The following GOLGA8B variants were observed in gnomAD, a reference collection of about 807,000 sequenced individuals.
The protein encoded by GOLGA8B is golgin A8 family member B.
A neutral mutation model predicts 15.6 loss-of-function variants in GOLGA8B; 1 was observed. The observed-to-expected ratio is 0.06, with a 90% CI of 0.02 to 0.30. The LOEUF is 0.30. Ranked by LOEUF, GOLGA8B falls within the 10% of genes least tolerant of loss-of-function variation. GOLGA8B has a pLI of 1.00. For synonymous variants in GOLGA8B, 9 were observed against 80.3 expected, an observed-to-expected ratio of 0.11 and a Z score of 4.75; for missense variants, 17 against 201.3, an observed-to-expected ratio of 0.08 and a Z score of 5.54.
intron 4 of GOLGA8B, among the ~76,000 whole-genome samples, chr15:34,548,103 G>A (rs1341980453): frequency 6.6e-6 from 1 of 151,532 alleles, no homozygotes; most frequent in African/African-American, 2.4e-5. Context: ...CTGAACCATA[G>A]TGTATGAGTA....
At chr15:34,568,706 T>C in intron 1 of GOLGA8B, among the ~76,000 whole-genome samples, 1 of 53,902 alleles carries the variant, frequency 1.9e-5, no homozygotes, top group South Asian at 7.6e-4. Flanking sequence ...GTTGCCAGAT[T>C]AATCCAGTAC....
chr15:34,569,241 G>A (rs1343743979), intron 1 of GOLGA8B, among the ~76,000 whole-genome samples: 7 of 143,956 alleles, frequency 4.9e-5, no homozygotes, highest in Admixed American at 7.2e-5. Flanking sequence ...AATGAAGCCA[G>A]AAATGGGGCA....
At chr15:34,570,795 G>A (rs1888894621) in intron 1 of GOLGA8B, among the ~76,000 whole-genome samples, 1 of 105,854 alleles carries the variant, frequency 9.4e-6, no homozygotes, top group Non-Finnish European at 2.1e-5. Context: ...AAGGCAAGAG[G>A]AGGGGATGAT....
At chr15:34,569,611 G>C (rs1328444266) in intron 1 of GOLGA8B, among the ~76,000 whole-genome samples, 1 of 151,838 alleles carries the variant, frequency 6.6e-6, no homozygotes, top group Non-Finnish European at 1.5e-5. Context: ...CTCATAAGAT[G>C]AGAAAATGAT....
At chr15:34,543,368 G>C (rs1344880223) in intron 7 of GOLGA8B, among the ~76,000 whole-genome samples, 15 of 146,738 alleles carry the variant, frequency 1.0e-4, no homozygotes, top group African/African-American at 3.5e-4. Context: ...TTTTTTTTTG[G>C]TGGTGGTGGG....
intron 1 of GOLGA8B, among the ~76,000 whole-genome samples, chr15:34,580,312 A>G (rs1249660733): frequency 6.6e-6 from 1 of 152,162 alleles, no homozygotes; most frequent in Non-Finnish European, 1.5e-5. Flanking sequence ...GAATTTGAGA[A>G]AAATCAGGCC....
In GOLGA8B at chr15:34,526,784, T is replaced by C. The variant is rs1566929345; in HGVS notation, c.*848A>G. On this transcript the variant is annotated 3_prime_UTR_variant, in exon 24 of 24. Coordinates refer to ENST00000683415, the MANE Select transcript of GOLGA8B (RefSeq NM_001023567.5). ...GGTTTTCCACATCCACAGCCAACGATGGCAGCCTTTCATTCCTCGGAAATA... is the reference window on the plus strand; with the variant it reads ...GGTTTTCCACATCCACAGCCAACGACGGCAGCCTTTCATTCCTCGGAAATA... 1 of 149,432 alleles carries C rather than the reference T, an allele frequency of 6.7e-6. No homozygotes were observed. Among genetic ancestry groups the C allele is most frequent in the African/African-American group, 2.5e-5 (1 of 40,418 alleles). The allele number at this position is 149,432 out of a possible 1,614,324, so 9.3% of individuals were successfully genotyped here.
intron 1 of GOLGA8B, among the ~76,000 whole-genome samples, chr15:34,571,505 C>T (rs59973500): frequency 0.56 from 82,981 of 148,074 alleles, 23,880 homozygotes; most frequent in African/African-American, 0.67. Flanking sequence ...GAATGGAGAA[C>T]CCAGAAACAC....
At chr15:34,571,153 C>A (rs548481646) in intron 1 of GOLGA8B, among the ~76,000 whole-genome samples, 1 of 151,332 alleles carries the variant, frequency 6.6e-6, no homozygotes, top group South Asian at 2.1e-4. Flanking sequence ...TGGAAAAACC[C>A]CACCTCTACA....
chr15:34,579,886 G>A lies in GOLGA8B; in HGVS notation c.-1123+3630C>T, dbSNP rs1221281460. ...GGTGAACAAAGTCTTTTACATTTGA[G>A]TGATAAGAGACTGACAATAAACAAA... On this transcript the variant is annotated intron_variant, in intron 1 of 23. Transcript: ENST00000683415. Among the ~76,000 whole-genome samples the A allele has an allele frequency of 2.6e-5, 4 of 152,342 alleles. No homozygotes were observed. In the East Asian group the frequency reaches 7.7e-4, roughly 29 times the overall value.
chr15:34,575,885 C>T (rs1050628739), intron 1 of GOLGA8B, among the ~76,000 whole-genome samples: 3 of 152,220 alleles, frequency 2.0e-5, no homozygotes, highest in African/African-American at 7.2e-5. Flanking sequence ...AACAAGAAAG[C>T]TGGAATATAG....
At position 34,565,292 on chromosome 15, in the gene GOLGA8B, C is replaced by T. The variant is rs1405241135; in HGVS notation, c.-1122-11336G>A. ...CTGGGATTACAGGCGTCCGCCACCACGCCTGGCTAATTTTTGTATTTTTGT... is the reference window on the plus strand; with the variant it reads ...CTGGGATTACAGGCGTCCGCCACCATGCCTGGCTAATTTTTGTATTTTTGT... On this transcript the variant is annotated intron_variant, in intron 1 of 23. Transcript: ENST00000683415. Among the ~76,000 whole-genome samples, 3 of 139,886 alleles carry T rather than the reference C, an allele frequency of 2.1e-5. 1 individual carries two copies. Among genetic ancestry groups the T allele is most frequent in the Non-Finnish European group, 3.3e-5 (2 of 60,934 alleles). The allele number at this position is 139,886 out of a possible 152,430, so 91.8% of individuals were successfully genotyped here.
chr15:34,543,327 G>T (rs1257977473), intron 7 of GOLGA8B, among the ~76,000 whole-genome samples: 1 of 146,400 alleles, frequency 6.8e-6, no homozygotes, highest in African/African-American at 2.5e-5. Context: ...GCAGGTAGGT[G>T]CCCCATACAC....
In GOLGA8B at chr15:34,563,969, G is replaced by C. The variant is rs923727211; in HGVS notation, c.-1122-10013C>G. 2.3e-4 allele frequency among the ~76,000 whole-genome samples: 31 copies of C among 135,972 alleles called. 2 individuals carry two copies. The highest frequency in any genetic ancestry group is 7.6e-4 in the African/African-American group (29 of 38,102). 89.2% of individuals were successfully genotyped at this position (135,972 alleles called of 152,430 possible). On this transcript the variant is annotated intron_variant, in intron 1 of 23. Coordinates refer to ENST00000683415, the MANE Select transcript of GOLGA8B (RefSeq NM_001023567.5). The stretch of plus-strand genomic sequence containing the variant: ...TCATTTCCGTACCAATGGTATGCAG[G>C]GCTGACTTGGGAAGCTTACATGTTT...
intron 1 of GOLGA8B, among the ~76,000 whole-genome samples, chr15:34,568,116 A>C (rs1222013901): frequency 6.6e-6 from 1 of 150,402 alleles, no homozygotes; most frequent in Non-Finnish European, 1.5e-5. Flanking sequence ...TGTCCCTGAG[A>C]AACACCCGGC....
rs567440052 is a variant in GOLGA8B at position 34,569,820 on chromosome 15, G to A, written c.-1123+13696C>T. 8.4e-4 allele frequency among the ~76,000 whole-genome samples: 126 copies of A among 150,610 alleles called. 1 individual carries two copies. Among genetic ancestry groups the A allele is most frequent in the Admixed American group, 2.1e-3 (32 of 15,032 alleles). On this transcript the variant is annotated intron_variant, in intron 1 of 23. Coordinates refer to ENST00000683415, the MANE Select transcript of GOLGA8B (RefSeq NM_001023567.5). ...CACAGCAACTGGCAGCTCCTGCAGG[G>A]CGGACACTCCAAGGTCAAGGCTAGA... is the stretch of plus-strand genomic sequence containing the variant.
At chr15:34,575,185 A>T (rs1889036901) in intron 1 of GOLGA8B, among the ~76,000 whole-genome samples, 1 of 151,120 alleles carries the variant, frequency 6.6e-6, no homozygotes, top group Non-Finnish European at 1.5e-5. Context: ...CACCTCCTAT[A>T]GAACCCAGTG....
intron 1 of GOLGA8B, among the ~76,000 whole-genome samples, chr15:34,557,676 G>GTGTGTGTGTC (rs895819604): frequency 3.2e-4 from 34 of 107,856 alleles, no homozygotes; most frequent in African/African-American, 1.1e-3. Flanking sequence ...GTGTGTGTGT[G>GTGTGTGTGTC]TGTGTGTCTG....
intron 1 of GOLGA8B, among the ~76,000 whole-genome samples, chr15:34,581,799 G>A (rs947134665): frequency 3.3e-5 from 5 of 152,182 alleles, no homozygotes; most frequent in African/African-American, 1.2e-4. Flanking sequence ...GAGCCAGACA[G>A]TGGGGACGGG....
Sources: gnomAD v4.1 joint callset for allele counts (sites outside exome capture counted in the v4.1 genomes callset) on GRCh38, gnomAD v4.1.1 for gene constraint, MANE v1.5 for transcripts, NCBI Gene and HGNC (gene_info 2026-07-23, HGNC 2026-07-21) for gene names.